The following TMEM213 variants were observed in gnomAD, a reference collection of about 807,000 sequenced individuals.
TMEM213 encodes transmembrane protein 213.
Under a neutral mutation model 11.6 loss-of-function variants are expected in TMEM213, and 7 were observed. The observed-to-expected ratio is 0.60, with a 90% CI of 0.34 to 1.13. TMEM213 has a LOEUF of 1.13. TMEM213 is among the 50% of genes most tolerant of loss of function. The pLI is 0.03. For synonymous variants in TMEM213, 60 were observed against 58.3 expected, an observed-to-expected ratio of 1.03 and a Z score of -0.13; for missense variants, 129 against 139.0, an observed-to-expected ratio of 0.93 and a Z score of 0.36.
chr7:138,802,442 T>C (rs1234283363), intron 2 of TMEM213, among the ~76,000 whole-genome samples: 1 of 151,654 alleles, frequency 6.6e-6, no homozygotes, highest in African/African-American at 2.4e-5. Context: ...TCCCAGCTAC[T>C]TGGGAGGCTG....
chr7:138,802,519 C>G (rs941308380), intron 2 of TMEM213, among the ~76,000 whole-genome samples: 1 of 150,246 alleles, frequency 6.7e-6, no homozygotes, highest in Non-Finnish European at 1.5e-5. Flanking sequence ...CCATTGCACT[C>G]CAGCCTGGGC....
intron 1 of TMEM213, among the ~76,000 whole-genome samples, chr7:138,800,786 G>A (rs1188924063): frequency 6.8e-5 from 10 of 146,764 alleles, no homozygotes; most frequent in South Asian, 4.3e-4. Context: ...CTGAACCTCC[G>A]CCTCCTGGGT....
At position 138,805,653 on chromosome 7, in the gene TMEM213, T is replaced by C. The variant is rs528480476; in HGVS notation, c.*2584T>C. The C allele has an allele frequency of 3.9e-5, 6 of 152,234 alleles. No individual in the cohort carries two copies. The highest frequency in any genetic ancestry group is 8.8e-5 in the Non-Finnish European group (6 of 68,046). The allele number at this position is 152,234 out of a possible 1,614,324, so 9.4% of individuals were successfully genotyped here. On this transcript the variant is annotated 3_prime_UTR_variant, in exon 3 of 3. Coordinates refer to ENST00000442682, the MANE Select transcript of TMEM213 (RefSeq NM_001085429.2). Reference sequence around the variant, plus strand: ...AAAAAGGGAAATTAAGATTTATTTCTGGCCAATGTGAACAGAAATAAGTCA... The same window carrying C: ...AAAAAGGGAAATTAAGATTTATTTCCGGCCAATGTGAACAGAAATAAGTCA...
Position 138,798,125 on chromosome 7 carries a change from C to T in TMEM213, c.21C>T (p.Ala7=). 6.2e-7 allele frequency: 1 copy of T among 1,600,642 alleles called. No homozygotes were observed. Among genetic ancestry groups the T allele is most frequent in the East Asian group, 2.3e-5 (1 of 44,242 alleles). ...CCAGCATGCAGCGCCTCCCCGCTGC[C>T]ACCCGGGCCACCCTGATCCTCAGCC... MQRLPA[A]TRATLILSLA... Residue 7 remains alanine, a synonymous_variant, in exon 1 of 3, where the codon GCC becomes GCT. Transcript: ENST00000442682.
At chr7:138,800,617 T>C (rs532011982) in intron 1 of TMEM213, among the ~76,000 whole-genome samples, 6 of 152,182 alleles carry the variant, frequency 3.9e-5, no homozygotes, top group African/African-American at 1.4e-4. Context: ...GGGTTGCAAA[T>C]AGACGCCTTC....
At position 138,804,796 on chromosome 7, in the gene TMEM213, G is replaced by A. The variant is rs1809049173; in HGVS notation, c.*1727G>A. ...CAGTCACTGTCACTTAGCATGGAGAGTGGACGTTGCACATCACTGTGAAAC... is the reference window on the plus strand; with the variant it reads ...CAGTCACTGTCACTTAGCATGGAGAATGGACGTTGCACATCACTGTGAAAC... On this transcript the variant is annotated 3_prime_UTR_variant, in exon 3 of 3. Transcript: ENST00000442682. The A allele has an allele frequency of 6.6e-6, 1 of 152,206 alleles. No homozygotes were observed. The highest frequency in any genetic ancestry group is 2.4e-5 in the African/African-American group (1 of 41,466). 9.4% of individuals were successfully genotyped at this position (152,206 alleles called of 1,614,324 possible). A position where few individuals can be genotyped will look rare whatever the true frequency, so the allele number is the denominator to read the frequency against.
At chr7:138,801,477 C>A in intron 2 of TMEM213, 79 bp downstream of exon 2, 1 of 1,380,922 alleles carries the variant, frequency 7.2e-7, no homozygotes. Flanking sequence ...CCCCGCTTTC[C>A]GTTGATTGGT....
At position 138,801,451 on chromosome 7, in the gene TMEM213, A is replaced by T. The variant is rs984294670; in HGVS notation, c.154+53A>T. 3.3e-6 allele frequency: 5 copies of T among 1,513,498 alleles called. No individual in the cohort carries two copies. In the African/African-American group the frequency reaches 5.5e-5, roughly 17 times the overall value. 93.8% of individuals were successfully genotyped at this position (1,513,498 alleles called of 1,614,324 possible). A position where few individuals can be genotyped will look rare whatever the true frequency, so the allele number is the denominator to read the frequency against. On this transcript the variant is annotated intron_variant, in intron 2 of 2. Coordinates refer to ENST00000442682, the MANE Select transcript of TMEM213 (RefSeq NM_001085429.2). ...CCCCAGAACTGGCCCTCAGCCTGGG[A>T]GGGAAACAAAGGCCTCCCCGCTTTC...
chr7:138,802,950 G>A lies in TMEM213; in HGVS notation c.205G>A (p.Glu69Lys), dbSNP rs753176491. ...CCGGTGCTGCCGCACAGGAGTGGAC[G>A]AGTACGGCTGGATCGCGGCAGCTGT... is the stretch of plus-strand genomic sequence containing the variant. The part of the protein sequence containing the change: ...AARCCRTGVD[E>K]YGWIAAAVGW... Residue 69 changes from glutamate (E) to lysine (K), a missense_variant, in exon 3 of 3, where the codon GAG (glutamate) becomes AAG (lysine). Coordinates refer to ENST00000442682, the MANE Select transcript of TMEM213 (RefSeq NM_001085429.2). The A allele has an allele frequency of 4.3e-6, 7 of 1,611,634 alleles. No homozygotes were observed. The highest frequency in any genetic ancestry group is 3.3e-5 in the Admixed American group (2 of 59,710).
At position 138,803,816 on chromosome 7, in the gene TMEM213, G is replaced by A. The variant is rs1183156036; in HGVS notation, c.*747G>A. On this transcript the variant is annotated 3_prime_UTR_variant, in exon 3 of 3. Transcript: ENST00000442682. ...AAAAAAAGAATGTGAGGATCAGGTG[G>A]GCATGGTGGCTCATGCCTGTAATCC... 1 of 151,878 alleles carries A rather than the reference G, an allele frequency of 6.6e-6. No homozygotes were observed. The highest frequency in any genetic ancestry group is 2.4e-5 in the African/African-American group (1 of 41,258). 9.4% of individuals were successfully genotyped at this position (151,878 alleles called of 1,614,324 possible).
rs926647254 is a variant in TMEM213, at chr7:138,806,383, C to T, written c.*3314C>T. 6.6e-6 allele frequency: 1 copy of T among 152,280 alleles called. No individual in the cohort carries two copies. The highest frequency in any genetic ancestry group is 2.4e-5 in the African/African-American group (1 of 41,444). The allele number at this position is 152,280 out of a possible 1,614,324, so 9.4% of individuals were successfully genotyped here. A position where few individuals can be genotyped will look rare whatever the true frequency, so the allele number is the denominator to read the frequency against. On this transcript the variant is annotated 3_prime_UTR_variant, in exon 3 of 3. Transcript: ENST00000442682. ...AAAAAATTATTTGGGACTGGTGGCG[C>T]ATGCCTGTGGTCCCAGCTACTCGGG...
Position 138,798,205 on chromosome 7 carries a change from T to C in TMEM213, c.82+19T>C. The C allele has an allele frequency of 6.4e-7, 1 of 1,573,260 alleles. No homozygotes were observed. Among genetic ancestry groups the C allele is most frequent in the East Asian group, 2.3e-5 (1 of 42,896 alleles). ...TCGGCAGGTAGCGTTATGAGCTTTA[T>C]TCATGGCCAGGCTGGGAAGGGGGAG... is the stretch of plus-strand genomic sequence containing the variant. On this transcript the variant is annotated intron_variant, in intron 1 of 2. Coordinates refer to ENST00000442682, the MANE Select transcript of TMEM213 (RefSeq NM_001085429.2).
intron 1 of TMEM213, 65 bp downstream of exon 1, chr7:138,798,251 G>A (rs1808791784): frequency 6.8e-7 from 1 of 1,462,588 alleles, no homozygotes. Context: ...AAGAGAGGTG[G>A]GAGGGAAAGA....
rs370178388 is a variant in TMEM213 at position 138,804,998 on chromosome 7, A to C, written c.*1929A>C. 7.2e-5 allele frequency: 11 copies of C among 152,346 alleles called. No individual in the cohort carries two copies. In the South Asian group the frequency reaches 1.2e-3, roughly 17 times the overall value. 9.4% of individuals were successfully genotyped at this position (152,346 alleles called of 1,614,324 possible). The stretch of plus-strand genomic sequence containing the variant: ...ATAGGAACAATCTCTTGAAGAGGCA[A>C]ATGACTCAAAACTGCTCAGTGGCTC... On this transcript the variant is annotated 3_prime_UTR_variant, in exon 3 of 3. Transcript: ENST00000442682.
chr7:138,801,209 G>T (rs6945259), intron 1 of TMEM213, 118 bp from the exon 2 acceptor site: 557,955 of 920,604 alleles, frequency 0.61, 170,499 homozygotes, highest in East Asian at 0.75. Context: ...ATGCCCATGC[G>T]GGAGCTTCTA....
Position 138,801,348 on chromosome 7 carries a change from C to T in TMEM213, c.104C>T (p.Ser35Leu), listed in dbSNP as rs763948294. The change falls in exon 2 of 3, where the codon TCA (serine) becomes TTA (leucine). Residue 35 changes from serine to leucine, a missense_variant. Ser to Leu is a moderately radical substitution (Grantham distance 145). Coordinates refer to ENST00000442682, the MANE Select transcript of TMEM213 (RefSeq NM_001085429.2). ...CCAGAAGCAAGCAGCAGCAACAGCT[C>T]AAGCTTGACCGCTCACCACCCAGAC... ...CSAEASSSNSSSLTAHHPDPG... is the reference protein window; with the variant it reads ...CSAEASSSNSLSLTAHHPDPG... 1.5e-5 allele frequency: 24 copies of T among 1,612,320 alleles called. No homozygotes were observed. The South Asian group carries it at 2.5e-4, about 17-fold the overall frequency.
rs1809090716 is a variant in TMEM213 at position 138,805,829 on chromosome 7, G to A, written c.*2760G>A. ...ATGAGGCCCGTTGTTCTTTCAACCTGAGCCGCATGGCTCTTGTGTCTTTAA... is the reference window on the plus strand; with the variant it reads ...ATGAGGCCCGTTGTTCTTTCAACCTAAGCCGCATGGCTCTTGTGTCTTTAA... On this transcript the variant is annotated 3_prime_UTR_variant, in exon 3 of 3. Transcript: ENST00000442682. 1 of 152,038 alleles carries A rather than the reference G, an allele frequency of 6.6e-6. No homozygotes were observed. The highest frequency in any genetic ancestry group is 2.4e-5 in the African/African-American group (1 of 41,346). The allele number at this position is 152,038 out of a possible 1,614,324, so 9.4% of individuals were successfully genotyped here. A position where few individuals can be genotyped will look rare whatever the true frequency, so the allele number is the denominator to read the frequency against.
At position 138,803,419 on chromosome 7, in the gene TMEM213, C is replaced by T. The variant is rs1197984476; in HGVS notation, c.*350C>T. The T allele has an allele frequency of 4.2e-6, 1 of 237,984 alleles. No homozygotes were observed. The highest frequency in any genetic ancestry group is 8.2e-6 in the Non-Finnish European group (1 of 121,734). 14.7% of individuals were successfully genotyped at this position (237,984 alleles called of 1,614,324 possible). Reference sequence around the variant, plus strand: ...TTTTCAGAAGCAAGTGCATAACCTTCTCACCAAAACCAGGTTATCTGCTTC... The same window carrying T: ...TTTTCAGAAGCAAGTGCATAACCTTTTCACCAAAACCAGGTTATCTGCTTC... On this transcript the variant is annotated 3_prime_UTR_variant, in exon 3 of 3. Coordinates refer to ENST00000442682, the MANE Select transcript of TMEM213 (RefSeq NM_001085429.2).
chr7:138,798,881 C>T (rs1435225792), intron 1 of TMEM213, among the ~76,000 whole-genome samples: 3 of 152,098 alleles, frequency 2.0e-5, no homozygotes, highest in Non-Finnish European at 4.4e-5. Flanking sequence ...TGTTCTCAGC[C>T]ACCTCAGAAC....
Sources: allele counts gnomAD v4.1 joint callset (sites outside exome capture counted in the v4.1 genomes callset), GRCh38; gene constraint gnomAD v4.1.1; transcripts MANE v1.5; gene names NCBI Gene and HGNC (gene_info 2026-07-23, HGNC 2026-07-21).